The following FADS1 variants were observed in gnomAD, a reference collection of about 807,000 sequenced individuals.
FADS1 encodes acyl-CoA (8-3)-desaturase.
A neutral mutation model predicts 61.6 loss-of-function variants in FADS1; 17 were observed. That is an observed-to-expected ratio of 0.28 (90% CI 0.19 to 0.41). The LOEUF is 0.41. FADS1 is among the 10% of genes least tolerant of loss of function. FADS1 has a pLI of 1.00. For synonymous variants in FADS1, 238 were observed against 258.7 expected, an observed-to-expected ratio of 0.92 and a Z score of 0.77; for missense variants, 387 against 650.9, an observed-to-expected ratio of 0.59 and a Z score of 4.41.
chr11:61,816,981 G>T lies in FADS1; in HGVS notation c.-52C>A. 7.4e-7 allele frequency: 1 copy of T among 1,351,728 alleles called. No individual in the cohort carries two copies. Among genetic ancestry groups the T allele is most frequent in the South Asian group, 1.8e-5 (1 of 55,116 alleles). 83.7% of individuals were successfully genotyped at this position (1,351,728 alleles called of 1,614,324 possible). On this transcript the variant is annotated 5_prime_UTR_variant, in exon 1 of 12. Coordinates refer to ENST00000350997, the MANE Select transcript of FADS1 (RefSeq NM_013402.7). The surrounding 1 kb of genome is among the most constrained non-coding windows in gnomAD (Gnocchi z 7.0). ...GAGATCCCGTCCCCCGGTGGGTCTT[G>T]GGCAACTCACAGCTGGGCTGCCAAC...
chr11:61,802,327 T>C lies in FADS1; in HGVS notation c.*84A>G, dbSNP rs1591148962. ...CCAACCCCCTCTGAGTATTAAACTA[T>C]AGTGGCATTGTCCCTCAAGCTCCCC... On this transcript the variant is annotated 3_prime_UTR_variant, in exon 12 of 12. Transcript: ENST00000350997. The surrounding 1 kb of genome is among the most constrained non-coding windows in gnomAD (Gnocchi z 4.2). 4 of 1,187,224 alleles carry C rather than the reference T, an allele frequency of 3.4e-6. No homozygotes were observed. Among genetic ancestry groups the C allele is most frequent in the South Asian group, 1.3e-5 (1 of 76,716 alleles). 73.5% of individuals were successfully genotyped at this position (1,187,224 alleles called of 1,614,324 possible).
In FADS1 at chr11:61,802,668, C is replaced by A. The variant is rs1316139422; in HGVS notation, c.1454+133G>T. 3 of 1,386,318 alleles carry A rather than the reference C, an allele frequency of 2.2e-6. No homozygotes were observed. Among genetic ancestry groups the A allele is most frequent in the East Asian group, 4.7e-5 (2 of 42,966 alleles). 85.9% of individuals were successfully genotyped at this position (1,386,318 alleles called of 1,614,324 possible). On this transcript the variant is annotated intron_variant, in intron 11 of 11. Transcript: ENST00000350997. The surrounding 1 kb of genome is among the most constrained non-coding windows in gnomAD (Gnocchi z 4.2). ...GCCACAGGTCCAATAAAGAATCCTG[C>A]CTTTGCCATGGTGAACTCCATCCCA... is the stretch of plus-strand genomic sequence containing the variant.
Position 61,803,136 on chromosome 11 carries a change from C to T in FADS1, c.1249-25G>A. ...GCTGGCGGAAAAGGTCAGGGGAGAG[C>T]ATGTTGAATATCAGATGGAAAGGCC... is the stretch of plus-strand genomic sequence containing the variant. On this transcript the variant is annotated intron_variant, in intron 9 of 11. Transcript: ENST00000350997. This position sits in a 1 kb window ranked among gnomAD's most constrained non-coding sequence, Gnocchi z 4.3. 1.9e-6 allele frequency: 3 copies of T among 1,610,564 alleles called. No individual in the cohort carries two copies. The highest frequency in any genetic ancestry group is 2.5e-6 in the Non-Finnish European group (3 of 1,176,986).
Position 61,802,782 on chromosome 11 carries a change from C to T in FADS1, c.1454+19G>A, listed in dbSNP as rs1301127981. On this transcript the variant is annotated intron_variant, in intron 11 of 11. Transcript: ENST00000350997. The surrounding 1 kb of genome is among the most constrained non-coding windows in gnomAD (Gnocchi z 4.2). ...CTCTTCCCTCCCTACTAGCCATCTT[C>T]CTGGTCTCAGATACTCACTGGATGA... The T allele has an allele frequency of 1.9e-6, 3 of 1,614,080 alleles. No individual in the cohort carries two copies. Among genetic ancestry groups the T allele is most frequent in the African/African-American group, 1.3e-5 (1 of 75,064 alleles).
Position 61,816,188 on chromosome 11 carries a change from C to A in FADS1, c.375+367G>T, listed in dbSNP as rs1229321804. ...TCCCCTGGCCACTGACCCCCTCCCT[C>A]CCCAGGCGGCCTGCATCCTTGCTCT... is the stretch of plus-strand genomic sequence containing the variant. On this transcript the variant is annotated intron_variant, in intron 1 of 11. Transcript: ENST00000350997. The surrounding 1 kb of genome is among the most constrained non-coding windows in gnomAD (Gnocchi z 7.0). 6.9e-7 allele frequency: 1 copy of A among 1,450,268 alleles called. No homozygotes were observed. The highest frequency in any genetic ancestry group is 9.3e-7 in the Non-Finnish European group (1 of 1,070,702). The allele number at this position is 1,450,268 out of a possible 1,614,324, so 89.8% of individuals were successfully genotyped here. A position where few individuals can be genotyped will look rare whatever the true frequency, so the allele number is the denominator to read the frequency against.
Position 61,803,320 on chromosome 11 carries a change from A to G in FADS1, c.1248+43T>C. 1 of 1,515,522 alleles carries G rather than the reference A, an allele frequency of 6.6e-7. No individual in the cohort carries two copies. Among genetic ancestry groups the G allele is most frequent in the Non-Finnish European group, 9.2e-7 (1 of 1,090,174 alleles). 93.9% of individuals were successfully genotyped at this position (1,515,522 alleles called of 1,614,324 possible). A position where few individuals can be genotyped will look rare whatever the true frequency, so the allele number is the denominator to read the frequency against. On this transcript the variant is annotated intron_variant, in intron 9 of 11. Coordinates refer to ENST00000350997, the MANE Select transcript of FADS1 (RefSeq NM_013402.7). This position sits in a 1 kb window ranked among gnomAD's most constrained non-coding sequence, Gnocchi z 4.3. ...TGTTTTCACCTACGCATCCTTTTCA[A>G]TAGTTGTGTTATGCTCCAGTCTTCT...
chr11:61,805,014 T>C, intron 6 of FADS1: 1 of 559,678 alleles, frequency 1.8e-6, no homozygotes. Flanking sequence ...CGAGTGGCAC[T>C]CTTCAGTGAC....
At position 61,810,901 on chromosome 11, in the gene FADS1, A is replaced by G. The variant is rs369881218; in HGVS notation, c.787-22T>C. 7.4e-6 allele frequency: 12 copies of G among 1,614,028 alleles called. No homozygotes were observed. In the African/African-American group the frequency reaches 1.6e-4, roughly 22 times the overall value. On this transcript the variant is annotated intron_variant, in intron 4 of 11. Coordinates refer to ENST00000350997, the MANE Select transcript of FADS1 (RefSeq NM_013402.7). ...CCCCCTACAGAAAAGCAGGGACACG[A>G]GTATGAAAAGCTTCCCCCAAGGCAG...
In FADS1 at chr11:61,803,606, G is replaced by C; in HGVS notation, c.1151+64C>G. On this transcript the variant is annotated intron_variant, in intron 8 of 11. Transcript: ENST00000350997. This position sits in a 1 kb window ranked among gnomAD's most constrained non-coding sequence, Gnocchi z 4.3. ...ACCCAAAGCCCCAGCACGGCCCCTA[G>C]ACCAGACTGGTCACTCCCCAACATT... 3 of 1,451,154 alleles carry C rather than the reference G, an allele frequency of 2.1e-6. No homozygotes were observed. Among genetic ancestry groups the C allele is most frequent in the Non-Finnish European group, 2.9e-6 (3 of 1,031,808 alleles). 89.9% of individuals were successfully genotyped at this position (1,451,154 alleles called of 1,614,324 possible).
At chr11:61,804,110 C>T (rs2066877324) in intron 7 of FADS1, 3 of 324,202 alleles carry the variant, frequency 9.3e-6, no homozygotes. Flanking sequence ...TCAAATCTCT[C>T]ATCACTGAAC....
At chr11:61,805,017 T>A in intron 6 of FADS1, 1 of 553,894 alleles carries the variant, frequency 1.8e-6, no homozygotes, top group Non-Finnish European at 3.2e-6. Flanking sequence ...GTGGCACTCT[T>A]CAGTGACAGG....
chr11:61,810,403 G>A (rs2066923047), intron 5 of FADS1, among the ~76,000 whole-genome samples: 1 of 152,178 alleles, frequency 6.6e-6, no homozygotes, highest in Non-Finnish European at 1.5e-5. Flanking sequence ...CTTGCCTGGG[G>A]CAAGAGTGTC....
chr11:61,804,791 C>A, intron 6 of FADS1, 30 bp from the exon 7 acceptor site: 3 of 1,595,906 alleles, frequency 1.9e-6, no homozygotes. Flanking sequence ...AAAGAGGAGG[C>A]ATGAGCACAG....
In FADS1 at chr11:61,816,564, C is replaced by A; in HGVS notation, c.366G>T (p.Gln122His). The A allele has an allele frequency of 6.2e-7, 1 of 1,605,946 alleles. No individual in the cohort carries two copies. Among genetic ancestry groups the A allele is most frequent in the East Asian group, 2.2e-5 (1 of 44,514 alleles). Residue 122 changes from glutamine (Q) to histidine (H), a missense_variant, in exon 1 of 12, where the codon CAG becomes CAT. Gln to His is a conservative substitution (Grantham distance 24, BLOSUM62 0). Around this residue, in one of 2 missense-constraint regions of FADS1, gnomAD observed 257 missense variants for 533.3 expected, o/e 0.48. Coordinates refer to ENST00000350997, the MANE Select transcript of FADS1 (RefSeq NM_013402.7). The surrounding 1 kb of genome is among the most constrained non-coding windows in gnomAD (Gnocchi z 7.0). Reference sequence around the variant, plus strand: ...GCCTGGCTGCGCTCACCGTGGCATCCTGCCCGGCGTAGTGGCTGATGACCC... The same window carrying A: ...GCCTGGCTGCGCTCACCGTGGCATCATGCCCGGCGTAGTGGCTGATGACCC... Reference protein sequence around the residue: ...GSRVISHYAGQDATDPFVAFH... With the variant: ...GSRVISHYAGHDATDPFVAFH...
At position 61,816,540 on chromosome 11, in the gene FADS1, C is replaced by T; in HGVS notation, c.375+15G>A. On this transcript the variant is annotated intron_variant, in intron 1 of 11. Transcript: ENST00000350997. The surrounding 1 kb of genome is among the most constrained non-coding windows in gnomAD (Gnocchi z 7.0). ...GGTCCCGCCCTCTCCTGTGCCCCCGCCTGGCTGCGCTCACCGTGGCATCCT... is the reference window on the plus strand; with the variant it reads ...GGTCCCGCCCTCTCCTGTGCCCCCGTCTGGCTGCGCTCACCGTGGCATCCT... 2 of 1,598,970 alleles carry T rather than the reference C, an allele frequency of 1.3e-6. No homozygotes were observed. The highest frequency in any genetic ancestry group is 1.7e-6 in the Non-Finnish European group (2 of 1,174,064).
chr11:61,807,425 G>C (rs371242573), intron 5 of FADS1, among the ~76,000 whole-genome samples: 1 of 152,132 alleles, frequency 6.6e-6, no homozygotes, highest in Non-Finnish European at 1.5e-5. Flanking sequence ...CCCCTATACA[G>C]GTTAAGTATT....
chr11:61,814,796 C>T (rs750968352), intron 1 of FADS1: 1 of 152,202 alleles, frequency 6.6e-6, no homozygotes, highest in African/African-American at 2.4e-5. Context: ...TTTTACAAAC[C>T]TCTAGATACA....
intron 3 of FADS1, among the ~76,000 whole-genome samples, chr11:61,812,225 C>T (rs2135939540): frequency 6.6e-6 from 1 of 152,320 alleles, no homozygotes; most frequent in African/African-American, 2.4e-5. Flanking sequence ...AGAGAACAAA[C>T]CGCATAGGAA....
intron 5 of FADS1, among the ~76,000 whole-genome samples, chr11:61,810,486 C>T (rs561526232): frequency 6.6e-6 from 1 of 152,316 alleles, no homozygotes; most frequent in African/African-American, 2.4e-5. Context: ...TCCTTCTGGT[C>T]ATCCGCTGGA....
Sources: allele counts gnomAD v4.1 joint callset (sites outside exome capture counted in the v4.1 genomes callset), GRCh38; gene constraint gnomAD v4.1.1; regional missense constraint gnomAD v4.1.1; non-coding constraint Gnocchi (gnomAD v3.1); transcripts MANE v1.5; gene names NCBI Gene and HGNC (gene_info 2026-07-23, HGNC 2026-07-21).